Variants in MEGF10 observed in about 807,000 individuals in gnomAD.
The protein encoded by MEGF10 is multiple epidermal growth factor-like domains protein 10.
MEGF10 carries 86 observed loss-of-function variants against 147.5 expected under a neutral mutation model. The ratio of observed to expected loss-of-function variants is 0.58; its 90% CI spans 0.49 to 0.70. The LOEUF (loss-of-function observed/expected upper bound fraction) is 0.70. Ranked by LOEUF, MEGF10 falls within the 30% of genes least tolerant of loss-of-function variation. The probability of loss-of-function intolerance (pLI) is 0.00; values close to 1 mark genes in which losing one functional copy is unlikely to be tolerated. For missense variants in MEGF10, 1,329 were observed against 1,487.3 expected, an observed-to-expected ratio of 0.89 and a Z score of 1.75; for synonymous variants, 478 against 525.5, an observed-to-expected ratio of 0.91 and a Z score of 1.24.
At chr5:127,247,461 G>GAAC in the MEGF10 span, among the ~76,000 whole-genome samples, 2 of 135,762 alleles carry the variant, frequency 1.5e-5, no homozygotes, top group South Asian at 2.3e-4. Context: ...AGAAGAAGAA[G>GAAC]AAGAAGAAGA....
chr5:127,369,782 T>A, intron 4 of MEGF10, 128 bp from the exon 5 acceptor site: 1 of 642,118 alleles, frequency 1.6e-6, no homozygotes. Context: ...AGGAACGGAC[T>A]GAAGAAAATT....
In MEGF10 at chr5:127,367,676, T is replaced by C. The variant is rs78675103; in HGVS notation, c.320-2234T>C. Among the ~76,000 whole-genome samples, 228 of 152,116 alleles carry C rather than the reference T, an allele frequency of 1.5e-3. 2 individuals are homozygous for C. Among genetic ancestry groups the C allele is most frequent in the African/African-American group, 5.3e-3 (221 of 41,492 alleles). ...CTTGTTTCACTTTAAAGGCAAAGAG[T>C]ATCTAATTTTTAAAACTTCTGGAAA... On this transcript the variant is annotated intron_variant, in intron 4 of 24. Transcript: ENST00000503335.
At chr5:127,412,121 T>A (rs1764592257) in intron 9 of MEGF10, among the ~76,000 whole-genome samples, 1 of 152,240 alleles carries the variant, frequency 6.6e-6, no homozygotes, top group African/African-American at 2.4e-5. Flanking sequence ...CCTAAGCATA[T>A]ATGTGTTAAC....
chr5:127,369,963 C>T lies in MEGF10; in HGVS notation c.373C>T (p.Gln125Ter). The T allele has an allele frequency of 6.2e-7, 1 of 1,613,478 alleles. No homozygotes were observed. Among genetic ancestry groups the T allele is most frequent in the Non-Finnish European group, 8.5e-7 (1 of 1,179,614 alleles). Residue 125 changes from glutamine (Q) to a stop codon, truncating the protein, a stop_gained, in exon 5 of 25, where the codon CAG becomes TAG. Coordinates refer to ENST00000503335, the MANE Select transcript of MEGF10 (RefSeq NM_001256545.2). LOFTEE classifies it high-confidence loss of function. ...TCGCTGTATTGCTCCAAACACCTGT[C>T]AGTGTGAGCCTGGCTGGGGAGGGAC... Reference protein sequence around the residue: ...HGRCIAPNTCQCEPGWGGTNC... With the variant: ...HGRCIAPNTC
At chr5:127,325,283 T>A (rs1317349548) in intron 1 of MEGF10, among the ~76,000 whole-genome samples, 1 of 152,220 alleles carries the variant, frequency 6.6e-6, no homozygotes, top group Admixed American at 6.5e-5. Context: ...TATAATTTTT[T>A]CCTTAGTAGA....
chr5:127,403,545 A>G (rs1764209715), intron 8 of MEGF10, among the ~76,000 whole-genome samples: 1 of 152,138 alleles, frequency 6.6e-6, no homozygotes, highest in Non-Finnish European at 1.5e-5. Context: ...CATTCTTTCT[A>G]ATTTTTTTTG....
At chr5:127,410,871 T>C (rs1433264655) in intron 9 of MEGF10, among the ~76,000 whole-genome samples, 4 of 152,258 alleles carry the variant, frequency 2.6e-5, no homozygotes, top group Non-Finnish European at 5.9e-5. Context: ...CAAAATTTGC[T>C]GAGGTTAGTA....
chr5:127,384,847 A>C (rs1763373808), intron 5 of MEGF10, among the ~76,000 whole-genome samples: 1 of 152,140 alleles, frequency 6.6e-6, no homozygotes, highest in Non-Finnish European at 1.5e-5. Flanking sequence ...AGCTTTATGA[A>C]GTTGTTTTAT....
chr5:127,233,661 T>C, the MEGF10 span, among the ~76,000 whole-genome samples: 1 of 152,166 alleles, frequency 6.6e-6, no homozygotes, highest in South Asian at 2.1e-4. Flanking sequence ...TTTTTCCCAT[T>C]AGATTAAGAA....
chr5:127,298,556 G>T (rs957324429), intron 1 of MEGF10, among the ~76,000 whole-genome samples: 1 of 152,188 alleles, frequency 6.6e-6, no homozygotes, highest in South Asian at 2.1e-4. Flanking sequence ...CGGTAGGTGC[G>T]TAGTGGGGTC....
At chr5:127,332,054 C>T (rs111923517) in intron 2 of MEGF10, among the ~76,000 whole-genome samples, 3,993 of 151,384 alleles carry the variant, frequency 0.026, 89 homozygotes, top group Admixed American at 0.044. Flanking sequence ...GAGTTAGTAC[C>T]GTATTGGAGG....
chr5:127,331,800 A>G (rs1054916595), intron 2 of MEGF10, among the ~76,000 whole-genome samples: 3 of 152,168 alleles, frequency 2.0e-5, no homozygotes, highest in Non-Finnish European at 4.4e-5. Context: ...ATGAGATAAT[A>G]TACTAAAGTA....
chr5:127,230,751 G>A, the MEGF10 span, among the ~76,000 whole-genome samples: 1 of 152,150 alleles, frequency 6.6e-6, no homozygotes, highest in South Asian at 2.1e-4. Context: ...CCAATACCAC[G>A]TAGGTTTGTG....
chr5:127,264,849 G>A, the MEGF10 span, among the ~76,000 whole-genome samples: 96 of 151,898 alleles, frequency 6.3e-4, 1 homozygote, highest in South Asian at 1.0e-2. Context: ...TGTGCAGGAC[G>A]TGCAGGTTTG....
chr5:127,347,278 A>G lies in MEGF10; in HGVS notation c.319+6648A>G, dbSNP rs1048199180. On this transcript the variant is annotated intron_variant, in intron 4 of 24. Coordinates refer to ENST00000503335, the MANE Select transcript of MEGF10 (RefSeq NM_001256545.2). ...GTTTGTGTTGTGTGTATACATATAT[A>G]TTGTATGTTTTTTAATGTCACATAA... Among the ~76,000 whole-genome samples the G allele has an allele frequency of 5.9e-5, 9 of 152,164 alleles. No individual in the cohort carries two copies. The South Asian group carries it at 1.9e-3, about 32-fold the overall frequency.
intron 1 of MEGF10, among the ~76,000 whole-genome samples, chr5:127,313,232 A>G (rs961010535): frequency 1.3e-5 from 2 of 152,124 alleles, no homozygotes; most frequent in Non-Finnish European, 2.9e-5. Context: ...AGCCACATCT[A>G]TATCCCAGAG....
intron 5 of MEGF10, among the ~76,000 whole-genome samples, chr5:127,370,994 C>A (rs1246403343): frequency 6.6e-6 from 1 of 152,104 alleles, no homozygotes; most frequent in Non-Finnish European, 1.5e-5. Context: ...TTTCAATAAG[C>A]TGATTTTAAA....
At chr5:127,401,199 A>G (rs1417676019) in intron 7 of MEGF10, among the ~76,000 whole-genome samples, 1 of 152,124 alleles carries the variant, frequency 6.6e-6, no homozygotes, top group Non-Finnish European at 1.5e-5. Context: ...ACCTCACATT[A>G]AGTATACCAT....
chr5:127,355,431 A>G (rs1762245604), intron 4 of MEGF10, among the ~76,000 whole-genome samples: 2 of 152,194 alleles, frequency 1.3e-5, no homozygotes, highest in African/African-American at 2.4e-5. Flanking sequence ...ATCAGATGGT[A>G]TGTTCCCAAA....
Sources: gnomAD v4.1 joint callset for allele counts (sites outside exome capture counted in the v4.1 genomes callset) on GRCh38, gnomAD v4.1.1 for gene constraint, MANE v1.5 for transcripts, NCBI Gene and HGNC (gene_info 2026-07-23, HGNC 2026-07-21) for gene names.